The following LINGO2 variants were observed in gnomAD, a reference collection of about 807,000 sequenced individuals.
LINGO2 encodes the protein leucine rich repeat and Ig domain containing 2.
Under a neutral mutation model 30.6 loss-of-function variants are expected in LINGO2, and 14 were observed. The observed-to-expected ratio is 0.46, with a 90% CI of 0.30 to 0.72. LINGO2 has a LOEUF of 0.72. Ranked by LOEUF, LINGO2 falls within the 30% of genes least tolerant of loss-of-function variation. The pLI, the probability that LINGO2 is intolerant of heterozygous loss-of-function variation, is 0.07. For synonymous variants in LINGO2, 317 were observed against 288.5 expected (o/e 1.10, Z -1.00); for missense variants, 729 against 751.7 (o/e 0.97, Z 0.35).
chr9:28,034,652 G>A (rs1823844566), intron 4 of LINGO2, among the ~76,000 whole-genome samples: 1 of 152,164 alleles, frequency 6.6e-6, no homozygotes. Flanking sequence ...TGGAGAACAA[G>A]GATTTCTCTC....
chr9:28,415,127 C>A (rs1587639942), intron 2 of LINGO2, among the ~76,000 whole-genome samples: 1 of 152,164 alleles, frequency 6.6e-6, no homozygotes, highest in East Asian at 1.9e-4. Flanking sequence ...ACCAAAATCA[C>A]TGATAATGAC....
intron 2 of LINGO2, among the ~76,000 whole-genome samples, chr9:28,402,212 A>G (rs1822299296): frequency 1.0e-5 from 1 of 96,216 alleles, no homozygotes; most frequent in Non-Finnish European, 2.4e-5. Flanking sequence ...CAACTAAAGA[A>G]AAAACAATAA....
chr9:28,263,611 A>G (rs1381893186), intron 4 of LINGO2, among the ~76,000 whole-genome samples: 1 of 151,942 alleles, frequency 6.6e-6, no homozygotes, highest in East Asian at 1.9e-4. Context: ...TTTCTCTCAA[A>G]AGTATTTACA....
At chr9:29,001,979 C>CCTAGGAAAATACCATAGA in the LINGO2 span, among the ~76,000 whole-genome samples, 1 of 151,966 alleles carries the variant, frequency 6.6e-6, no homozygotes, top group African/African-American at 2.4e-5. Flanking sequence ...GTTTTCCACA[C>CCTAGGAAAATACCATAGA]AGGTATTAAA....
the LINGO2 span, among the ~76,000 whole-genome samples, chr9:28,809,089 G>T: frequency 2.0e-5 from 3 of 152,278 alleles, no homozygotes; most frequent in South Asian, 6.2e-4. Flanking sequence ...GCAAGTAGAA[G>T]CTTTTCTTTA....
the LINGO2 span, among the ~76,000 whole-genome samples, chr9:29,210,380 T>C: frequency 6.6e-6 from 1 of 152,176 alleles, no homozygotes; most frequent in Non-Finnish European, 1.5e-5. Context: ...AGAAATACAT[T>C]TGAGCCCTAA....
intron 5 of LINGO2, among the ~76,000 whole-genome samples, chr9:27,995,976 T>A (rs1369904578): frequency 6.6e-6 from 1 of 151,926 alleles, no homozygotes; most frequent in Non-Finnish European, 1.5e-5. Context: ...ACTTAAAAAC[T>A]TCAATAAAAA....
intron 4 of LINGO2, among the ~76,000 whole-genome samples, chr9:28,097,023 T>A (rs1425016255): frequency 1.3e-5 from 2 of 150,150 alleles, no homozygotes; most frequent in African/African-American, 4.9e-5. Flanking sequence ...TTTATTATAA[T>A]AAAAGAAACA....
the LINGO2 span, among the ~76,000 whole-genome samples, chr9:28,992,756 G>A: frequency 6.6e-6 from 1 of 152,084 alleles, no homozygotes; most frequent in South Asian, 2.1e-4. Flanking sequence ...ACCTGCTCCT[G>A]AGTGGCTACT....
At chr9:28,789,470 C>A in the LINGO2 span, among the ~76,000 whole-genome samples, 1 of 152,124 alleles carries the variant, frequency 6.6e-6, no homozygotes, top group South Asian at 2.1e-4. Flanking sequence ...CCTCTTTTCA[C>A]TGCTGGCCTC....
At chr9:29,092,921 A>G in the LINGO2 span, among the ~76,000 whole-genome samples, 3 of 134,650 alleles carry the variant, frequency 2.2e-5, no homozygotes, top group Non-Finnish European at 1.6e-5. Flanking sequence ...ATCATAACCT[A>G]TTCTATGAAA....
At chr9:28,033,569 A>C (rs1823785698) in intron 4 of LINGO2, among the ~76,000 whole-genome samples, 2 of 152,112 alleles carry the variant, frequency 1.3e-5, no homozygotes, top group African/African-American at 4.8e-5. Context: ...CCAAAATGTC[A>C]ATTAGGTAAT....
chr9:28,297,352 T>G (rs1024825059), intron 3 of LINGO2, among the ~76,000 whole-genome samples: 1 of 152,192 alleles, frequency 6.6e-6, no homozygotes, highest in African/African-American at 2.4e-5. Flanking sequence ...TTTTGTTCAT[T>G]TATTTATTTA....
intron 2 of LINGO2, among the ~76,000 whole-genome samples, chr9:28,395,587 A>T (rs10812802): frequency 6.6e-6 from 1 of 152,040 alleles, no homozygotes; most frequent in Non-Finnish European, 1.5e-5. Context: ...TCTCCAGGGC[A>T]TATACCCATA....
chr9:28,883,317 C>G, the LINGO2 span, among the ~76,000 whole-genome samples: 1 of 151,984 alleles, frequency 6.6e-6, no homozygotes, highest in Non-Finnish European at 1.5e-5. Flanking sequence ...ACCTCACAGG[C>G]GTGAGCCACT....
intron 5 of LINGO2, among the ~76,000 whole-genome samples, chr9:27,971,763 G>C (rs890224648): frequency 6.6e-6 from 1 of 152,126 alleles, no homozygotes; most frequent in African/African-American, 2.4e-5. Context: ...AGTCAGGTTT[G>C]TTTATAAGGC....
chr9:28,425,881 T>A (rs775617893), intron 2 of LINGO2, among the ~76,000 whole-genome samples: 5 of 152,044 alleles, frequency 3.3e-5, no homozygotes, highest in Non-Finnish European at 7.4e-5. Context: ...TTTTTGTTGT[T>A]GTTGTTATTG....
At chr9:28,162,125 G>A (rs1828304351) in intron 4 of LINGO2, among the ~76,000 whole-genome samples, 1 of 151,856 alleles carries the variant, frequency 6.6e-6, no homozygotes, top group Non-Finnish European at 1.5e-5. Context: ...ATTCTTTCAG[G>A]CAAATGCCAG....
At chr9:29,112,423 T>G in the LINGO2 span, among the ~76,000 whole-genome samples, 1 of 152,146 alleles carries the variant, frequency 6.6e-6, no homozygotes, top group East Asian at 1.9e-4. Context: ...GTCTGAGAAC[T>G]ACTGTCCTTC....
Sources: gnomAD v4.1 joint callset for allele counts (sites outside exome capture counted in the v4.1 genomes callset) on GRCh38, gnomAD v4.1.1 for gene constraint, MANE v1.5 for transcripts, NCBI Gene and HGNC (gene_info 2026-07-23, HGNC 2026-07-21) for gene names.